C5orf34: variants seen among roughly 807,000 people sequenced by gnomAD.
C5orf34 encodes uncharacterized protein C5orf34.
Under a neutral mutation model 78.4 loss-of-function variants are expected in C5orf34, and 73 were observed. The observed-to-expected ratio is 0.93, with a 90% CI of 0.77 to 1.13. The LOEUF is 1.13. Ranked by LOEUF, C5orf34 falls within the 50% of genes most tolerant of loss-of-function variation. The pLI, the probability that C5orf34 is intolerant of heterozygous loss-of-function variation, is 0.00. For missense variants in C5orf34, 730 were observed against 732.7 expected (o/e 1.00, Z 0.04); for synonymous variants, 251 against 246.6 (o/e 1.02, Z -0.17).
In C5orf34 at chr5:43,505,668, T is replaced by TATC. The variant is rs1579875284; in HGVS notation, c.932+77_932+79dup. On this transcript the variant is annotated intron_variant, in intron 4 of 12. Coordinates refer to ENST00000306862, the MANE Select transcript of C5orf34 (RefSeq NM_198566.4). ...TGAGATAAACTTTCCTTGTGAATGG[T>TATC]ATCAGATAAAAAGAAAATTATCCAG... 4 of 1,402,114 alleles carry TATC rather than the reference T, an allele frequency of 2.9e-6. No individual in the cohort carries two copies. In the East Asian group the frequency reaches 9.5e-5, roughly 33 times the overall value. 86.9% of individuals were successfully genotyped at this position (1,402,114 alleles called of 1,614,324 possible). A position where few individuals can be genotyped will look rare whatever the true frequency, so the allele number is the denominator to read the frequency against.
In C5orf34 at chr5:43,492,710, G is replaced by A. The variant is rs765744723; in HGVS notation, c.1485+10C>T. 6.2e-7 allele frequency: 1 copy of A among 1,605,114 alleles called. No homozygotes were observed. Among genetic ancestry groups the A allele is most frequent in the Non-Finnish European group, 8.5e-7 (1 of 1,175,216 alleles). ...AATAAAAAATAGATCTAAGTCTGAA[G>A]TATACCCACCTGTCTCTTCTCAATA... On this transcript the variant is annotated intron_variant, in intron 9 of 12. Coordinates refer to ENST00000306862, the MANE Select transcript of C5orf34 (RefSeq NM_198566.4).
rs1746094414 is a variant in C5orf34 at position 43,508,665 on chromosome 5, T to C, written c.197A>G (p.Glu66Gly). 1 of 1,576,356 alleles carries C rather than the reference T, an allele frequency of 6.3e-7. No individual in the cohort carries two copies. Residue 66 changes from glutamate to glycine, a missense_variant and splice_region_variant, in exon 3 of 13, where the codon GAG becomes GGG. Glu to Gly is a moderately conservative substitution (Grantham distance 98, BLOSUM62 -2). Coordinates refer to ENST00000306862, the MANE Select transcript of C5orf34 (RefSeq NM_198566.4). ...AAAATCTAGGGCTCGCTGTAGTTGC[T>C]CCTATGAAAAGAAATATAAAATGTA... ...RTHFVISTYREQLQRALDFRN... is the reference protein window; with the variant it reads ...RTHFVISTYRGQLQRALDFRN...
intron 9 of C5orf34, 35 bp from the exon 10 acceptor site, chr5:43,492,344 G>A: frequency 7.3e-7 from 1 of 1,379,084 alleles, no homozygotes; most frequent in Non-Finnish European, 1.0e-6. Flanking sequence ...TATCATTTTA[G>A]AACTGAAAAA....
intron 10 of C5orf34, among the ~76,000 whole-genome samples, chr5:43,491,665 A>G (rs1745284245): frequency 6.6e-6 from 1 of 152,222 alleles, no homozygotes; most frequent in African/African-American, 2.4e-5. Context: ...TGTCTATAAC[A>G]CATTTCATTT....
rs770263469 is a variant in C5orf34, at chr5:43,505,825, A to C, written c.855T>G (p.Ile285Met). The C allele has an allele frequency of 9.9e-6, 16 of 1,612,992 alleles. No individual in the cohort carries two copies. The African/African-American group carries it at 2.1e-4, about 22-fold the overall frequency. ...AAACCACTTTTCCTCTTTCCTCTGA[A>C]ATATCAGAAGTTAAAAATCTACTCT... is the stretch of plus-strand genomic sequence containing the variant. ...ITQSRFLTSD[I>M]SEERGKVVSV... The change falls in exon 4 of 13, where the codon ATT becomes ATG. Residue 285 changes from isoleucine to methionine, a missense_variant. By Grantham distance (10) the Ile-to-Met change is conservative. Coordinates refer to ENST00000306862, the MANE Select transcript of C5orf34 (RefSeq NM_198566.4).
At chr5:43,513,775 A>G (rs941314036) in intron 1 of C5orf34, among the ~76,000 whole-genome samples, 37 of 152,232 alleles carry the variant, frequency 2.4e-4, no homozygotes, top group African/African-American at 7.5e-4. Context: ...TGTAACTCCT[A>G]CAAGGGCCCA....
In C5orf34 at chr5:43,495,806, C is replaced by T. The variant is rs539695917; in HGVS notation, c.1153-1205G>A. 2.6e-5 allele frequency: 41 copies of T among 1,568,570 alleles called. No homozygotes were observed. The East Asian group carries it at 2.9e-4, about 11-fold the overall frequency. ...GGTGCCGCTGGCACTGCCATCCTTACGGGTGGCTTTCCATCCCTTGAGCCA... is the reference window on the plus strand; with the variant it reads ...GGTGCCGCTGGCACTGCCATCCTTATGGGTGGCTTTCCATCCCTTGAGCCA... On this transcript the variant is annotated intron_variant, in intron 6 of 12. Transcript: ENST00000306862.
At chr5:43,506,646 T>C (rs963858878) in intron 3 of C5orf34, among the ~76,000 whole-genome samples, 2 of 152,226 alleles carry the variant, frequency 1.3e-5, no homozygotes, top group East Asian at 3.9e-4. Context: ...AATGGTCATA[T>C]TTAGTGTTAA....
At chr5:43,494,961 T>C (rs1232443543) in intron 6 of C5orf34, 1 of 871,054 alleles carries the variant, frequency 1.1e-6, no homozygotes, top group African/African-American at 1.7e-5. Context: ...TGCATTGTTA[T>C]CATTAACCAG....
In C5orf34 at chr5:43,487,925, C is replaced by CT; in HGVS notation, c.1703dup (p.Ile569AspfsTer5). 1 of 1,605,248 alleles carries CT rather than the reference C, an allele frequency of 6.2e-7. No individual in the cohort carries two copies. Among genetic ancestry groups the CT allele is most frequent in the Non-Finnish European group, 8.5e-7 (1 of 1,174,336 alleles). ...AAAGGATACAGTTAAACTTCTGTAT[C>CT]TTTTCAAGTTCAGAAGCAACAGACC... On this transcript the variant is annotated frameshift_variant, in exon 12 of 13. Transcript: ENST00000306862. LOFTEE classifies it high-confidence loss of function.
At chr5:43,509,462 A>G (rs1746130978) in intron 1 of C5orf34, 87 bp from the exon 2 acceptor site, 2 of 682,032 alleles carry the variant, frequency 2.9e-6, no homozygotes, top group Non-Finnish European at 4.7e-6. Context: ...TTTTCTAAGA[A>G]GATGACATTG....
chr5:43,511,570 C>T (rs945315720), intron 1 of C5orf34, among the ~76,000 whole-genome samples: 12 of 151,900 alleles, frequency 7.9e-5, no homozygotes, highest in South Asian at 4.2e-4. Context: ...ATGACGATGG[C>T]GGTTTTGTCA....
chr5:43,494,314 C>T (rs1404639638), intron 7 of C5orf34, among the ~76,000 whole-genome samples, 196 bp downstream of exon 7: 1 of 152,114 alleles, frequency 6.6e-6, no homozygotes, highest in African/African-American at 2.4e-5. Flanking sequence ...AATTACAAAG[C>T]CAGAAGTAAT....
chr5:43,502,606 C>A (rs989645349), intron 5 of C5orf34, 111 bp from the exon 6 acceptor site: 1 of 668,240 alleles, frequency 1.5e-6, no homozygotes, highest in Middle Eastern at 3.8e-4. Flanking sequence ...ACAACACAGT[C>A]TTTTTGCCTG....
At chr5:43,506,422 G>C (rs763166770) in intron 3 of C5orf34, 28 bp from the exon 4 acceptor site, 3 of 1,553,210 alleles carry the variant, frequency 1.9e-6, no homozygotes, top group South Asian at 1.2e-5. Context: ...AAGAGACGGT[G>C]AGTATTTTCT....
At chr5:43,504,497 A>G (rs1343912610) in intron 4 of C5orf34, among the ~76,000 whole-genome samples, 1 of 152,176 alleles carries the variant, frequency 6.6e-6, no homozygotes, top group Non-Finnish European at 1.5e-5. Flanking sequence ...TAGGGTCTTC[A>G]GGAAAACCAC....
intron 7 of C5orf34, 119 bp from the exon 8 acceptor site, chr5:43,493,731 G>A (rs1029348999): frequency 6.8e-6 from 4 of 588,264 alleles, no homozygotes; most frequent in African/African-American, 1.9e-5. Flanking sequence ...ACTGAAATGT[G>A]TTGGGAACTC....
chr5:43,506,977 T>C lies in C5orf34; in HGVS notation c.286-583A>G, dbSNP rs565541389. ...AGCAAGAGGGAAAAGAGAAAATTAT[T>C]TAAACTAGTACTAGAATTACTGAAC... On this transcript the variant is annotated intron_variant, in intron 3 of 12. Coordinates refer to ENST00000306862, the MANE Select transcript of C5orf34 (RefSeq NM_198566.4). 1.1e-4 allele frequency among the ~76,000 whole-genome samples: 16 copies of C among 152,266 alleles called. No individual in the cohort carries two copies. In the East Asian group the frequency reaches 3.1e-3, roughly 29 times the overall value.
At chr5:43,497,290 A>T (rs146524210) in intron 6 of C5orf34, among the ~76,000 whole-genome samples, 111 of 152,360 alleles carry the variant, frequency 7.3e-4, no homozygotes, top group Middle Eastern at 3.4e-3. Flanking sequence ...ATTAAATATC[A>T]TAATAGCAAC....
Sources: allele counts gnomAD v4.1 joint callset (sites outside exome capture counted in the v4.1 genomes callset), GRCh38; gene constraint gnomAD v4.1.1; transcripts MANE v1.5; gene names NCBI Gene and HGNC (gene_info 2026-07-23, HGNC 2026-07-21).